RABGEF1: variants seen among roughly 807,000 people sequenced by gnomAD.
The protein encoded by RABGEF1 is rab5 GDP/GTP exchange factor.
A neutral mutation model predicts 57.3 loss-of-function variants in RABGEF1; 26 were observed. The observed-to-expected ratio is 0.45, with a 90% CI of 0.33 to 0.63. RABGEF1 has a LOEUF of 0.63. Ranked by LOEUF, RABGEF1 falls within the 20% of genes least tolerant of loss-of-function variation. The probability of loss-of-function intolerance (pLI) is 0.02; values close to 1 mark genes in which losing one functional copy is unlikely to be tolerated. For synonymous variants in RABGEF1, 185 were observed against 210.7 expected (o/e 0.88, Z 1.06); for missense variants, 464 against 607.6 (o/e 0.76, Z 2.48).
intron 8 of RABGEF1, 43 bp downstream of exon 8, chr7:66,805,439 G>T: frequency 1.9e-6 from 3 of 1,605,254 alleles, no homozygotes; most frequent in Middle Eastern, 2.0e-4. Flanking sequence ...GGACTAGGAA[G>T]GTGGTGGTTT....
At chr7:66,670,596 G>A in the RABGEF1 span, among the ~76,000 whole-genome samples, 16 of 151,994 alleles carry the variant, frequency 1.1e-4, no homozygotes, top group African/African-American at 3.9e-4. Flanking sequence ...TGTAATCCAA[G>A]CACTTTGGGA....
intron 4 of RABGEF1, among the ~76,000 whole-genome samples, chr7:66,788,475 C>T (rs1483572284): frequency 2.6e-5 from 4 of 151,624 alleles, no homozygotes; most frequent in Non-Finnish European, 4.4e-5. Context: ...CAAAACAAAA[C>T]ACCCCTCATT....
chr7:66,696,739 A>C (rs2117196720), intron 1 of RABGEF1, among the ~76,000 whole-genome samples: 1 of 148,952 alleles, frequency 6.7e-6, no homozygotes, highest in South Asian at 2.1e-4. Flanking sequence ...TCATGTGCTG[A>C]GGGCTGGGAA....
chr7:66,704,538 C>T (rs951425203), intron 1 of RABGEF1, among the ~76,000 whole-genome samples: 41 of 152,052 alleles, frequency 2.7e-4, no homozygotes, highest in African/African-American at 8.9e-4. Flanking sequence ...CGGCCAGGTG[C>T]GGTGGCTCAC....
Position 66,808,919 on chromosome 7 carries a change from G to A in RABGEF1, c.1111G>A (p.Ala371Thr), listed in dbSNP as rs757460921. 11 of 1,608,534 alleles carry A rather than the reference G, an allele frequency of 6.8e-6. No individual in the cohort carries two copies. The highest frequency in any genetic ancestry group is 2.7e-5 in the African/African-American group (2 of 74,764). Residue 371 changes from alanine to threonine, a missense_variant, in exon 9 of 9, where the codon GCC becomes ACC. By Grantham distance (58) the Ala-to-Thr change is moderately conservative. Coordinates refer to ENST00000284957, the MANE Select transcript of RABGEF1 (RefSeq NM_014504.3). ...TGTGGCTTTCATTGAGAAGCTAGAC[G>A]CCCAGTCTTTGAATCTAAGTCAGGA... ...CAVAFIEKLDAQSLNLSQEDF... is the reference protein window; with the variant it reads ...CAVAFIEKLDTQSLNLSQEDF...
chr7:66,794,535 A>C (rs547137536), intron 4 of RABGEF1, among the ~76,000 whole-genome samples: 1 of 152,214 alleles, frequency 6.6e-6, no homozygotes, highest in Non-Finnish European at 1.5e-5. Flanking sequence ...AAACAAATAC[A>C]TATATTACAC....
chr7:66,665,122 T>C, the RABGEF1 span: 1 of 152,038 alleles, frequency 6.6e-6, no homozygotes, highest in Non-Finnish European at 1.5e-5. Flanking sequence ...GGGCCTCGGC[T>C]CTGGGCAAGT....
chr7:66,657,871 G>C, the RABGEF1 span, among the ~76,000 whole-genome samples: 9 of 151,892 alleles, frequency 5.9e-5, no homozygotes, highest in Non-Finnish European at 1.0e-4. Context: ...TCTCAAATTA[G>C]TCACCTCACT....
chr7:66,695,972 AAAAAT>A lies in RABGEF1; in HGVS notation c.-873+13718_-873+13722del, dbSNP rs1792267893. 3.9e-5 allele frequency among the ~76,000 whole-genome samples: 6 copies of A among 152,244 alleles called. No individual in the cohort carries two copies. In the South Asian group the frequency reaches 8.3e-4, roughly 21 times the overall value. ...CAAAGCGAGACTGTCTCAAAAAAAA[AAAAAT>A]AAAGTGTAGATGACTCTTTGAAGCA... On this transcript the variant is annotated intron_variant and NMD_transcript_variant, in intron 1 of 9. Transcript: ENST00000607882.
intron 3 of RABGEF1, among the ~76,000 whole-genome samples, chr7:66,782,385 T>C (rs1166163455): frequency 3.9e-5 from 6 of 152,172 alleles, no homozygotes; most frequent in Non-Finnish European, 7.3e-5. Context: ...TTTGTGCTTT[T>C]ATTCTGAGTT....
At chr7:66,754,711 C>A (rs375164902) in intron 1 of RABGEF1, among the ~76,000 whole-genome samples, 1 of 152,186 alleles carries the variant, frequency 6.6e-6, no homozygotes, top group Non-Finnish European at 1.5e-5. Context: ...TATTTGATTG[C>A]GCCATCTAAC....
At chr7:66,676,610 CAG>C in the RABGEF1 span, among the ~76,000 whole-genome samples, 21 of 152,306 alleles carry the variant, frequency 1.4e-4, no homozygotes, top group East Asian at 3.3e-3. Flanking sequence ...TATTCTGAGA[CAG>C]GGTCTCATTC....
chr7:66,798,601 AAC>A (rs1786573580), intron 6 of RABGEF1, among the ~76,000 whole-genome samples: 1 of 152,116 alleles, frequency 6.6e-6, no homozygotes, highest in South Asian at 2.1e-4. Context: ...GGGACCAGGA[AAC>A]ACACAGTGAT....
chr7:66,748,237 C>T (rs905274283), intron 1 of RABGEF1, among the ~76,000 whole-genome samples: 19 of 152,096 alleles, frequency 1.2e-4, no homozygotes, highest in African/African-American at 4.1e-4. Context: ...CAAAACATTC[C>T]GTAAAAGCAT....
chr7:66,708,521 T>G (rs1044669644), intron 1 of RABGEF1, among the ~76,000 whole-genome samples: 1 of 152,146 alleles, frequency 6.6e-6, no homozygotes, highest in Non-Finnish European at 1.5e-5. Context: ...ACTCCTGACC[T>G]CAAGTGATCC....
At chr7:66,713,153 T>A (rs527312652) in intron 2 of RABGEF1, among the ~76,000 whole-genome samples, 1 of 151,080 alleles carries the variant, frequency 6.6e-6, no homozygotes, top group Non-Finnish European at 1.5e-5. Context: ...TCTTTTTTTT[T>A]TTTTTTGAGA....
intron 3 of RABGEF1, among the ~76,000 whole-genome samples, chr7:66,779,671 A>G (rs532142277): frequency 9.1e-6 from 1 of 110,270 alleles, no homozygotes; most frequent in African/African-American, 3.2e-5. Flanking sequence ...GACCCTGATT[A>G]AAAAAAAAAA....
At chr7:66,789,608 G>A (rs1211296584) in intron 4 of RABGEF1, among the ~76,000 whole-genome samples, 10 of 148,546 alleles carry the variant, frequency 6.7e-5, no homozygotes, top group South Asian at 4.3e-4. Context: ...GCGTGAACCC[G>A]GGAGGCGGAG....
the RABGEF1 span, among the ~76,000 whole-genome samples, chr7:66,670,841 G>A: frequency 3.3e-5 from 5 of 151,364 alleles, no homozygotes; most frequent in Non-Finnish European, 5.9e-5. Context: ...GCAAGATTCC[G>A]TCTCAAAAAA....
Sources: allele counts gnomAD v4.1 joint callset (sites outside exome capture counted in the v4.1 genomes callset), GRCh38; gene constraint gnomAD v4.1.1; transcripts MANE v1.5; gene names NCBI Gene and HGNC (gene_info 2026-07-23, HGNC 2026-07-21).